Variants in MDFIC2 observed in about 807,000 individuals in gnomAD.
The protein encoded by MDFIC2 is myoD family inhibitor domain-containing protein 2.
intron 2 of MDFIC2, among the ~76,000 whole-genome samples, chr3:70,264,441 TG>T (rs1354135941): frequency 1.3e-5 from 2 of 152,222 alleles, no homozygotes; most frequent in African/African-American, 4.8e-5. Context: ...AATATCGGCT[TG>T]CTAATTAACA....
chr3:70,222,431 G>GTA (rs1385492407), intron 2 of MDFIC2, among the ~76,000 whole-genome samples: 1 of 152,054 alleles, frequency 6.6e-6, no homozygotes, highest in Non-Finnish European at 1.5e-5. Context: ...TTAATAATTG[G>GTA]TATTTATGGA....
chr3:70,208,140 G>A (rs1270473592), intron 2 of MDFIC2, among the ~76,000 whole-genome samples: 1 of 152,048 alleles, frequency 6.6e-6, no homozygotes, highest in Non-Finnish European at 1.5e-5. Context: ...GGCTGATGAT[G>A]CCCAGGAACA....
intron 2 of MDFIC2, among the ~76,000 whole-genome samples, chr3:70,261,204 G>C (rs570144828): frequency 6.6e-6 from 1 of 152,138 alleles, no homozygotes; most frequent in Non-Finnish European, 1.5e-5. Flanking sequence ...ACATTTGGTG[G>C]TCAAAGCTTT....
chr3:70,298,261 AT>A (rs1455162882), intron 2 of MDFIC2, among the ~76,000 whole-genome samples: 1 of 151,932 alleles, frequency 6.6e-6, no homozygotes, highest in Non-Finnish European at 1.5e-5. Flanking sequence ...CACTGGAGTT[AT>A]TTTTTCCCCA....
chr3:70,234,508 G>T (rs1701589718), intron 2 of MDFIC2, among the ~76,000 whole-genome samples: 1 of 151,980 alleles, frequency 6.6e-6, no homozygotes, highest in Non-Finnish European at 1.5e-5. Context: ...AATCAGCCAG[G>T]CATGGTGGCA....
At chr3:70,229,859 C>G (rs1418092520) in intron 2 of MDFIC2, among the ~76,000 whole-genome samples, 1 of 152,112 alleles carries the variant, frequency 6.6e-6, no homozygotes, top group Non-Finnish European at 1.5e-5. Flanking sequence ...TACTGTCAAT[C>G]AGCCTAGCTA....
At chr3:70,285,608 T>C (rs1278127897) in intron 2 of MDFIC2, among the ~76,000 whole-genome samples, 14 of 151,590 alleles carry the variant, frequency 9.2e-5, no homozygotes, top group Non-Finnish European at 5.9e-5. Flanking sequence ...GTATTTCTAG[T>C]TCTAGATCCC....
intron 2 of MDFIC2, among the ~76,000 whole-genome samples, chr3:70,286,462 C>A (rs1156634904): frequency 6.6e-6 from 1 of 151,566 alleles, no homozygotes. Flanking sequence ...GTTACTGTAG[C>A]CTTGTAGTAT....
intron 2 of MDFIC2, among the ~76,000 whole-genome samples, chr3:70,229,856 A>G (rs1272148689): frequency 1.3e-5 from 2 of 152,194 alleles, no homozygotes; most frequent in Non-Finnish European, 2.9e-5. Context: ...AGCTACTGTC[A>G]ATCAGCCTAG....
At chr3:70,231,316 C>T (rs1559540680) in intron 2 of MDFIC2, among the ~76,000 whole-genome samples, 1 of 152,142 alleles carries the variant, frequency 6.6e-6, no homozygotes, top group African/African-American at 2.4e-5. Flanking sequence ...TTTCCACACC[C>T]AGAGGACCTG....
chr3:70,295,574 G>A (rs755914036), intron 2 of MDFIC2, among the ~76,000 whole-genome samples: 19 of 151,984 alleles, frequency 1.3e-4, no homozygotes, highest in African/African-American at 2.7e-4. Flanking sequence ...TTGGTGGTGC[G>A]CACCTGTAGT....
intron 2 of MDFIC2, among the ~76,000 whole-genome samples, chr3:70,258,934 AT>A (rs1350735422): frequency 6.6e-6 from 1 of 152,010 alleles, no homozygotes; most frequent in Non-Finnish European, 1.5e-5. Flanking sequence ...TGAATCTCTT[AT>A]TTTTATCATT....
At chr3:70,216,930 C>T (rs1701417181) in intron 2 of MDFIC2, among the ~76,000 whole-genome samples, 1 of 152,118 alleles carries the variant, frequency 6.6e-6, no homozygotes, top group Non-Finnish European at 1.5e-5. Context: ...CCCCTCACCA[C>T]CAAAACCCAT....
chr3:70,303,180 C>T (rs1038323905), intron 2 of MDFIC2, among the ~76,000 whole-genome samples: 8 of 152,094 alleles, frequency 5.3e-5, no homozygotes, highest in African/African-American at 1.4e-4. Flanking sequence ...TTGCTACTGG[C>T]TCTTAGAGTA....
chr3:70,200,081 T>C (rs189322456), intron 3 of MDFIC2, among the ~76,000 whole-genome samples: 1 of 152,248 alleles, frequency 6.6e-6, no homozygotes, highest in Non-Finnish European at 1.5e-5. Flanking sequence ...CCCATGCAAT[T>C]CATTGCTGAG....
intron 2 of MDFIC2, among the ~76,000 whole-genome samples, chr3:70,281,641 C>T (rs977657349): frequency 6.6e-6 from 1 of 152,102 alleles, no homozygotes; most frequent in African/African-American, 2.4e-5. Context: ...TTTTATGTCT[C>T]TCGGTATTTA....
Position 70,196,668 on chromosome 3 carries a change from T to C in MDFIC2, c.*258A>G, listed in dbSNP as rs974896336. ...CAAGAAACATCTTGTACCTACAGCA[T>C]TTAAGAGGTATTTAAGATTTGTTCA... On this transcript the variant is annotated 3_prime_UTR_variant, in exon 4 of 4. Coordinates refer to ENST00000567252, the MANE Select transcript of MDFIC2 (RefSeq NM_001364677.1). Among the ~76,000 whole-genome samples the C allele has an allele frequency of 6.6e-6, 1 of 152,174 alleles. No homozygotes were observed. Among genetic ancestry groups the C allele is most frequent in the Non-Finnish European group, 1.5e-5 (1 of 68,028 alleles).
At chr3:70,290,027 A>C (rs1315623746) in intron 2 of MDFIC2, among the ~76,000 whole-genome samples, 3 of 152,106 alleles carry the variant, frequency 2.0e-5, no homozygotes, top group Non-Finnish European at 2.9e-5. Flanking sequence ...AGCTCAGAGT[A>C]ATTTGATCGT....
At chr3:70,210,050 T>C (rs1489501491) in intron 2 of MDFIC2, among the ~76,000 whole-genome samples, 1 of 152,128 alleles carries the variant, frequency 6.6e-6, no homozygotes, top group Non-Finnish European at 1.5e-5. Flanking sequence ...GTAGTCAGGC[T>C]GCATGTAATT....
Sources: allele counts gnomAD v4.1 joint callset (sites outside exome capture counted in the v4.1 genomes callset), GRCh38; gene constraint gnomAD v4.1.1; transcripts MANE v1.5; gene names NCBI Gene and HGNC (gene_info 2026-07-23, HGNC 2026-07-21).